Variants in DTNA observed in about 807,000 individuals in gnomAD.
DTNA encodes the protein dystrophin-related protein 3.
A neutral mutation model predicts 100.7 loss-of-function variants in DTNA; 43 were observed. That is an observed-to-expected ratio of 0.43 (90% CI 0.33 to 0.55). The LOEUF (loss-of-function observed/expected upper bound fraction) is 0.55. Ranked by LOEUF, DTNA falls within the 20% of genes least tolerant of loss-of-function variation. DTNA has a pLI of 0.04. For missense variants in DTNA, 798 were observed against 953.9 expected (o/e 0.84, Z 2.15); for synonymous variants, 349 against 347.9 (o/e 1.00, Z -0.04).
intron 1 of DTNA, among the ~76,000 whole-genome samples, chr18:34,549,936 T>G (rs948053956): frequency 6.6e-6 from 1 of 152,106 alleles, no homozygotes; most frequent in Admixed American, 6.6e-5. Context: ...TCTTGATGAA[T>G]TCTGGCCATT....
At chr18:34,538,916 AT>A (rs940540253) in intron 1 of DTNA, among the ~76,000 whole-genome samples, 1 of 152,050 alleles carries the variant, frequency 6.6e-6, no homozygotes, top group African/African-American at 2.4e-5. Flanking sequence ...TTATTTATAA[AT>A]TAAAATTTTC....
chr18:34,708,412 C>A (rs1287019619), upstream of DTNA, among the ~76,000 whole-genome samples: 4 of 152,174 alleles, frequency 2.6e-5, no homozygotes, highest in Admixed American at 1.3e-4. Flanking sequence ...AACATATAGA[C>A]CATTTTTTAA....
chr18:34,694,242 C>G (rs998012264), intron 1 of DTNA, among the ~76,000 whole-genome samples: 8 of 152,088 alleles, frequency 5.3e-5, no homozygotes, highest in Admixed American at 1.3e-4. Context: ...ATACTATTTA[C>G]CTTTTCATAA....
At chr18:34,607,203 C>G (rs549557146) in intron 1 of DTNA, among the ~76,000 whole-genome samples, 1 of 152,150 alleles carries the variant, frequency 6.6e-6, no homozygotes, top group Non-Finnish European at 1.5e-5. Context: ...CTGTTTGTGT[C>G]CTTAGAATTC....
At chr18:34,806,877 T>G (rs1024215861) in intron 5 of DTNA, among the ~76,000 whole-genome samples, 7 of 152,216 alleles carry the variant, frequency 4.6e-5, no homozygotes, top group Admixed American at 1.3e-4. Flanking sequence ...ATTTTGTCTC[T>G]AAATATGGTA....
intron 17 of DTNA, among the ~76,000 whole-genome samples, chr18:34,871,688 C>T (rs962257797): frequency 6.6e-6 from 1 of 152,170 alleles, no homozygotes; most frequent in African/African-American, 2.4e-5. Context: ...TGCCAAGAGG[C>T]CACTGCCTTT....
At chr18:34,884,826 C>T in intron 22 of DTNA, 50 bp downstream of exon 22, 1 of 1,584,756 alleles carries the variant, frequency 6.3e-7, no homozygotes, top group Non-Finnish European at 8.7e-7. Context: ...ACACTGAATT[C>T]TGATAACCTG....
At chr18:34,639,780 A>G (rs568589169) in intron 1 of DTNA, among the ~76,000 whole-genome samples, 4 of 152,094 alleles carry the variant, frequency 2.6e-5, no homozygotes, top group Non-Finnish European at 5.9e-5. Flanking sequence ...TTATTTCTTT[A>G]TTTTCCTTAT....
chr18:34,742,347 G>A (rs910881485), intron 1 of DTNA, among the ~76,000 whole-genome samples: 1 of 152,068 alleles, frequency 6.6e-6, no homozygotes, highest in African/African-American at 2.4e-5. Context: ...TGTTGGCAGG[G>A]CTGCGTTCCT....
rs55673388 is a variant in DTNA at position 34,860,220 on chromosome 18, GTTTTTTT to G, written c.1646+1845_1646+1851del. Among the ~76,000 whole-genome samples, 227 of 80,290 alleles carry G rather than the reference GTTTTTTT, an allele frequency of 2.8e-3. 8 individuals are homozygous for G. The highest frequency in any genetic ancestry group is 9.1e-3 in the African/African-American group (193 of 21,246). 52.7% of individuals were successfully genotyped at this position (80,290 alleles called of 152,430 possible). A position where few individuals can be genotyped will look rare whatever the true frequency, so the allele number is the denominator to read the frequency against. ...TGCCACCACGCCCGGCTAATTTTTT[GTTTTTTT>G]TTTTTTTTTTTTTTTTTTTTTTGGA... is the stretch of plus-strand genomic sequence containing the variant. On this transcript the variant is annotated intron_variant, in intron 16 of 22. Transcript: ENST00000444659.
intron 1 of DTNA, among the ~76,000 whole-genome samples, chr18:34,598,038 A>C (rs994468592): frequency 6.6e-6 from 1 of 152,104 alleles, no homozygotes; most frequent in Non-Finnish European, 1.5e-5. Flanking sequence ...TTTCTGAGGA[A>C]TTTGTTTTGT....
At chr18:34,840,261 G>T (rs2096243966) in intron 13 of DTNA, among the ~76,000 whole-genome samples, 1 of 152,094 alleles carries the variant, frequency 6.6e-6, no homozygotes, top group Non-Finnish European at 1.5e-5. Context: ...TGAGCTTCTA[G>T]ATTAAATAGT....
At chr18:34,851,197 G>T (rs1402803017) in intron 14 of DTNA, among the ~76,000 whole-genome samples, 1 of 152,112 alleles carries the variant, frequency 6.6e-6, no homozygotes, top group African/African-American at 2.4e-5. Context: ...TCCACCTCGG[G>T]CTCAAGCAAT....
At chr18:34,804,953 A>G (rs146763519) in intron 4 of DTNA, among the ~76,000 whole-genome samples, 149 of 152,294 alleles carry the variant, frequency 9.8e-4, no homozygotes, top group Admixed American at 1.6e-3. Flanking sequence ...ACGATTATTT[A>G]TATCTTATTT....
intron 3 of DTNA, among the ~76,000 whole-genome samples, chr18:34,777,217 T>A (rs1175733688): frequency 1.3e-5 from 2 of 152,202 alleles, no homozygotes; most frequent in Non-Finnish European, 2.9e-5. Context: ...AGTGTATGTC[T>A]TGTGTACTGA....
chr18:34,693,918 A>G (rs2080148152), intron 1 of DTNA, among the ~76,000 whole-genome samples: 1 of 152,200 alleles, frequency 6.6e-6, no homozygotes, highest in African/African-American at 2.4e-5. Flanking sequence ...ACTTTTTTTA[A>G]AAAACGTAAA....
intron 1 of DTNA, among the ~76,000 whole-genome samples, chr18:34,613,529 A>G (rs1458160296): frequency 6.6e-6 from 1 of 152,250 alleles, no homozygotes; most frequent in Non-Finnish European, 1.5e-5. Flanking sequence ...AAGGAAATTA[A>G]AAGTGCTACC....
upstream of DTNA, among the ~76,000 whole-genome samples, chr18:34,705,657 T>C (rs190993755): frequency 1.3e-5 from 2 of 152,320 alleles, no homozygotes; most frequent in Middle Eastern, 3.4e-3. Context: ...ATTTTGTTCT[T>C]AGACTTTCTA....
chr18:34,784,285 A>G (rs2094437116), intron 3 of DTNA, among the ~76,000 whole-genome samples: 1 of 152,234 alleles, frequency 6.6e-6, no homozygotes, highest in Non-Finnish European at 1.5e-5. Context: ...ATATTCCCTC[A>G]TTGAAAAATT....
Sources: allele counts gnomAD v4.1 joint callset (sites outside exome capture counted in the v4.1 genomes callset), GRCh38; gene constraint gnomAD v4.1.1; transcripts MANE v1.5; gene names NCBI Gene and HGNC (gene_info 2026-07-23, HGNC 2026-07-21).